DNAJC17: variants seen among roughly 807,000 people sequenced by gnomAD.
DNAJC17 encodes DnaJ heat shock protein family (Hsp40) member C17, also known as dnaJ homolog subfamily C member 17.
A neutral mutation model predicts 48.1 loss-of-function variants in DNAJC17; 35 were observed. The observed-to-expected ratio is 0.73, with a 90% CI of 0.56 to 0.96. The LOEUF (loss-of-function observed/expected upper bound fraction) is 0.96, where lower values mean the gene tolerates loss of function less well. DNAJC17 is among the 50% of genes least tolerant of loss of function. The pLI, the probability that DNAJC17 is intolerant of heterozygous loss-of-function variation, is 0.00. For missense variants in DNAJC17, 355 were observed against 377.1 expected, an observed-to-expected ratio of 0.94 and a Z score of 0.48; for synonymous variants, 117 against 142.7, an observed-to-expected ratio of 0.82 and a Z score of 1.28.
intron 1 of DNAJC17, among the ~76,000 whole-genome samples, chr15:40,788,744 A>C (rs150756845): frequency 0.027 from 4,037 of 151,784 alleles, 75 homozygotes; most frequent in South Asian, 0.054. Flanking sequence ...GCATGGTGGC[A>C]TGCACCTGTA....
At chr15:40,776,430 C>A in intron 5 of DNAJC17, 112 bp downstream of exon 5, 2 of 1,471,136 alleles carry the variant, frequency 1.4e-6, no homozygotes, top group South Asian at 2.3e-5. Context: ...ACCCAGCTCC[C>A]ACTGAAGGTG....
rs1431255852 is a variant in DNAJC17 at position 40,767,976 on chromosome 15, C to T, written c.879G>A (p.Arg293=). The T allele has an allele frequency of 6.2e-7, 1 of 1,612,476 alleles. No homozygotes were observed. The highest frequency in any genetic ancestry group is 1.1e-5 in the South Asian group (1 of 90,952). ...QAAERQQLIA[R]MQQEDQEGPP... ...GCCCCTCCTGGTCTTCCTGCTGCAT[C>T]CGTGCGATCAGCTGTTGCCGCTCGG... Residue 293 remains arginine, a synonymous_variant, in exon 11 of 11, where the codon CGG becomes CGA. Coordinates refer to ENST00000220496, the MANE Select transcript of DNAJC17 (RefSeq NM_018163.3).
At position 40,767,134 on chromosome 15, in the gene DNAJC17, A is replaced by G. The variant is rs1888966414; in HGVS notation, c.*806T>C. The G allele has an allele frequency of 2.2e-6, 3 of 1,344,956 alleles. No homozygotes were observed. Among genetic ancestry groups the G allele is most frequent in the South Asian group, 1.8e-5 (1 of 55,284 alleles). The allele number at this position is 1,344,956 out of a possible 1,614,324, so 83.3% of individuals were successfully genotyped here. ...CAGCCAGCAAGTGTGAGTCACTACA[A>G]GAGTGGCCAGGCTGCCTGCTGCAGA... is the stretch of plus-strand genomic sequence containing the variant. On this transcript the variant is annotated 3_prime_UTR_variant, in exon 11 of 11. Coordinates refer to ENST00000220496, the MANE Select transcript of DNAJC17 (RefSeq NM_018163.3).
intron 1 of DNAJC17, among the ~76,000 whole-genome samples, chr15:40,785,905 T>C (rs1889628986): frequency 6.6e-6 from 1 of 152,268 alleles, no homozygotes; most frequent in African/African-American, 2.4e-5. Flanking sequence ...CTGTCTTGAT[T>C]AACTAGTTAT....
intron 1 of DNAJC17, chr15:40,792,458 A>C: frequency 1.0e-6 from 1 of 985,348 alleles, no homozygotes; most frequent in Non-Finnish European, 1.2e-6. Context: ...ATTACCTGCC[A>C]AGATGAATGA....
At position 40,767,861 on chromosome 15, in the gene DNAJC17, A is replaced by C. The variant is rs1371452068; in HGVS notation, c.*79T>G. 1 of 1,569,352 alleles carries C rather than the reference A, an allele frequency of 6.4e-7. No individual in the cohort carries two copies. The highest frequency in any genetic ancestry group is 8.6e-7 in the Non-Finnish European group (1 of 1,161,696). On this transcript the variant is annotated 3_prime_UTR_variant, in exon 11 of 11. Transcript: ENST00000220496. ...CACCTTATACCTATGTATGGGATAG[A>C]GGTAAAATCTTAAAAAAAAAAAAAA...
chr15:40,770,668 G>A lies in DNAJC17; in HGVS notation c.793-2606C>T, dbSNP rs1451196081. ...GAAGTCATCCGGGAGCTACAAGGGA[G>A]GCCAGATGGCCGGCGCCTGCCACTG... On this transcript the variant is annotated intron_variant, in intron 10 of 10. Transcript: ENST00000220496. This position sits in a 1 kb window ranked among gnomAD's most constrained non-coding sequence, Gnocchi z 5.0. 12 of 1,549,186 alleles carry A rather than the reference G, an allele frequency of 7.7e-6. No individual in the cohort carries two copies. The highest frequency in any genetic ancestry group is 8.7e-6 in the Non-Finnish European group (10 of 1,146,952).
Position 40,801,659 on chromosome 15 carries a change from G to A in DNAJC17, c.78+5710C>T, listed in dbSNP as rs983831647. Among the ~76,000 whole-genome samples the A allele has an allele frequency of 4.0e-5, 6 of 151,452 alleles. No individual in the cohort carries two copies. The East Asian group carries it at 5.8e-4, about 15-fold the overall frequency. ...TCCCAGCTACTCAGGAGGCTGAGAC[G>A]GGAGAATGGCGTGAACCTGGGAGGC... is the stretch of plus-strand genomic sequence containing the variant. On this transcript the variant is annotated intron_variant, in intron 1 of 10. Transcript: ENST00000220496.
chr15:40,768,244 C>G (rs1889011492), intron 10 of DNAJC17, among the ~76,000 whole-genome samples, 182 bp from the exon 11 acceptor site: 1 of 152,156 alleles, frequency 6.6e-6, no homozygotes, highest in Admixed American at 6.6e-5. Flanking sequence ...CCAGAACACG[C>G]CACCTTTGGC....
intron 1 of DNAJC17, chr15:40,780,419 G>C (rs1470432849): frequency 2.1e-5 from 9 of 437,544 alleles, no homozygotes; most frequent in Non-Finnish European, 4.1e-5. Context: ...CTAGGAATCT[G>C]GACTTGTAGA....
At chr15:40,775,453 G>A in intron 7 of DNAJC17, 100 bp downstream of exon 7, 1 of 1,364,960 alleles carries the variant, frequency 7.3e-7, no homozygotes, top group Non-Finnish European at 1.0e-6. Context: ...CGCAGATCCA[G>A]CAGCCCCACC....
chr15:40,779,979 G>A lies in DNAJC17; in HGVS notation c.97C>T (p.Gln33Ter). ...TCTGGGTGGCAGGAGAGGGCCTTCT[G>A]CCTATACGCCTTCTTTACCTGGAAG... ...ADKEVKKAYRQKALSCHPDKN... is the reference protein window; with the variant it reads ...ADKEVKKAYR The change falls in exon 2 of 11, where the codon CAG becomes TAG. Residue 33 changes from glutamine (Q) to a stop codon, truncating the protein, a stop_gained. Transcript: ENST00000220496. LOFTEE classifies it high-confidence loss of function. 1 of 1,614,082 alleles carries A rather than the reference G, an allele frequency of 6.2e-7. No homozygotes were observed.
intron 1 of DNAJC17, among the ~76,000 whole-genome samples, chr15:40,795,461 G>T (rs976890359): frequency 6.6e-6 from 1 of 152,122 alleles, no homozygotes; most frequent in Non-Finnish European, 1.5e-5. Context: ...TTAGCACCAG[G>T]CTCAGAGTTT....
At chr15:40,786,513 A>G (rs1889646755) in intron 1 of DNAJC17, among the ~76,000 whole-genome samples, 1 of 151,996 alleles carries the variant, frequency 6.6e-6, no homozygotes, top group South Asian at 2.1e-4. Context: ...AGAGAAAGAA[A>G]GAAACTGTGT....
rs895119473 is a variant in DNAJC17, at chr15:40,769,690, C to T, written c.793-1628G>A. ...GCCTGCCTTTCAATTAACTCCCACCCGCCCCGAACTCTTCCTACCCAGACA... is the reference window on the plus strand; with the variant it reads ...GCCTGCCTTTCAATTAACTCCCACCTGCCCCGAACTCTTCCTACCCAGACA... On this transcript the variant is annotated intron_variant, in intron 10 of 10. Coordinates refer to ENST00000220496, the MANE Select transcript of DNAJC17 (RefSeq NM_018163.3). This position sits in a 1 kb window ranked among gnomAD's most constrained non-coding sequence, Gnocchi z 4.2. 3.9e-5 allele frequency among the ~76,000 whole-genome samples: 6 copies of T among 152,246 alleles called. No homozygotes were observed. The highest frequency in any genetic ancestry group is 2.1e-4 in the South Asian group (1 of 4,834).
At chr15:40,804,884 C>T (rs913943076) in intron 1 of DNAJC17, among the ~76,000 whole-genome samples, 5 of 152,058 alleles carry the variant, frequency 3.3e-5, no homozygotes, top group African/African-American at 1.2e-4. Flanking sequence ...TGCCTGTAAT[C>T]CCAGCTGCTC....
chr15:40,775,343 T>A lies in DNAJC17; in HGVS notation c.522+210A>T, dbSNP rs1889289151. 7 of 721,778 alleles carry A rather than the reference T, an allele frequency of 9.7e-6. No homozygotes were observed. The Admixed American group carries it at 1.8e-4, about 18-fold the overall frequency. The allele number at this position is 721,778 out of a possible 1,614,324, so 44.7% of individuals were successfully genotyped here. Reference sequence around the variant, plus strand: ...CTCTCCTGAGAGGGCTTCTAGAGAATCCTCTGCCCTGTGATCAGGGCTAAA... The same window carrying A: ...CTCTCCTGAGAGGGCTTCTAGAGAAACCTCTGCCCTGTGATCAGGGCTAAA... On this transcript the variant is annotated intron_variant, in intron 7 of 10. Coordinates refer to ENST00000220496, the MANE Select transcript of DNAJC17 (RefSeq NM_018163.3).
chr15:40,800,953 C>G (rs1258018587), intron 1 of DNAJC17, among the ~76,000 whole-genome samples: 1 of 127,206 alleles, frequency 7.9e-6, no homozygotes, highest in East Asian at 2.1e-4. Flanking sequence ...GAGACTCCGT[C>G]TCAAAAAAAA....
chr15:40,790,391 T>C (rs1273338513), intron 1 of DNAJC17, among the ~76,000 whole-genome samples: 1 of 152,084 alleles, frequency 6.6e-6, no homozygotes, highest in South Asian at 2.1e-4. Flanking sequence ...CTGGCCAACA[T>C]GGTGAAACCC....
Sources: gnomAD v4.1 joint callset for allele counts (sites outside exome capture counted in the v4.1 genomes callset) on GRCh38, gnomAD v4.1.1 for gene constraint, Gnocchi (gnomAD v3.1) non-coding constraint, MANE v1.5 for transcripts, NCBI Gene and HGNC (gene_info 2026-07-23, HGNC 2026-07-21) for gene names.